The following ALG13 variants were observed in gnomAD, a reference collection of about 807,000 sequenced individuals.
ALG13 encodes ALG13 UDP-N-acetylglucosaminyltransferase subunit.
In ALG13, 11 loss-of-function variants were observed where a neutral mutation model predicts 87.8. That is an observed-to-expected ratio of 0.13 (90% CI 0.08 to 0.21). The LOEUF is 0.21. ALG13 is among the 10% of genes least tolerant of loss of function. The pLI is 1.00. For missense variants in ALG13, 756 were observed against 866.1 expected (o/e 0.87, Z 1.60); for synonymous variants, 320 against 306.3 (o/e 1.04, Z -0.47).
At chrX:111,715,649 C>T (rs767447039) in intron 8 of ALG13, among the ~76,000 whole-genome samples, 125 of 112,270 alleles carry the variant, frequency 1.1e-3, no homozygotes, top group African/African-American at 3.6e-3. Context: ...GCCCAGGAGG[C>T]GGAGGTTGCA....
chrX:111,715,930 T>G (rs1940526470), intron 8 of ALG13, among the ~76,000 whole-genome samples: 1 of 111,694 alleles, frequency 9.0e-6, no homozygotes, highest in African/African-American at 3.3e-5. Flanking sequence ...TTCACTCAGC[T>G]CATTTGCTCT....
intron 3 of ALG13, among the ~76,000 whole-genome samples, chrX:111,686,581 A>C (rs1253886275): frequency 8.9e-6 from 1 of 112,104 alleles, no homozygotes; most frequent in Non-Finnish European, 1.9e-5. Context: ...AGGGAATGTC[A>C]GGGTGGCTGT....
chrX:111,698,236 A>T (rs1457900061), intron 3 of ALG13, among the ~76,000 whole-genome samples: 2 of 111,933 alleles, frequency 1.8e-5, no homozygotes, highest in Non-Finnish European at 3.8e-5. Flanking sequence ...TCAAAAATTA[A>T]TGTTTTTAAT....
intron 15 of ALG13, among the ~76,000 whole-genome samples, chrX:111,726,232 G>GTT (rs1213050998): frequency 0.018 from 1,060 of 60,150 alleles, 30 homozygotes; most frequent in African/African-American, 0.066. Context: ...GGCGTGTTTT[G>GTT]TTTTTTTTTT....
rs1944071342 is a variant in ALG13 at position 111,744,759 on chromosome X, A to ACCACCC, written c.2792_2793insCCCACC (p.Pro944_Pro945dup). On this transcript the variant is annotated inframe_insertion, in exon 24 of 27. Coordinates refer to ENST00000394780, the MANE Select transcript of ALG13 (RefSeq NM_001099922.3). ...CACCACCACCACCACCACCACCACCACCACCACCACCTCCTCCTCCTCCTC... is the reference window on the plus strand; with the variant it reads ...CACCACCACCACCACCACCACCACCACCACCCCCACCACCACCTCCTCCTCCTCCTC... 1.2e-6 allele frequency: 1 copy of ACCACCC among 856,745 alleles called. No individual in the cohort carries two copies. The highest frequency in any genetic ancestry group is 2.8e-5 in the African/African-American group (1 of 36,175). The allele number at this position is 856,745 out of a possible 1,213,427, so 70.6% of individuals were successfully genotyped here.
intron 25 of ALG13, among the ~76,000 whole-genome samples, chrX:111,754,511 CTG>C (rs1945057049): frequency 8.9e-6 from 1 of 112,001 alleles, no homozygotes; most frequent in Non-Finnish European, 1.9e-5. Flanking sequence ...GATGACATAA[CTG>C]TATATTTTAA....
At chrX:111,726,511 C>T (rs1053765695) in intron 15 of ALG13, among the ~76,000 whole-genome samples, 2 of 110,872 alleles carry the variant, frequency 1.8e-5, no homozygotes, top group African/African-American at 6.6e-5. Context: ...GGATTACAGG[C>T]GTGAGCCACC....
intron 2 of ALG13, among the ~76,000 whole-genome samples, chrX:111,683,770 ATAT>A (rs1376445125): frequency 1.2e-4 from 13 of 111,775 alleles, no homozygotes; most frequent in Admixed American, 1.9e-4. Context: ...ATTGATCCTA[ATAT>A]TCTATATTTG....
rs1158168420 is a variant in ALG13 at position 111,713,213 on chromosome X, T to C, written c.933-12T>C. On this transcript the variant is annotated splice_polypyrimidine_tract_variant and intron_variant, in intron 7 of 26. Coordinates refer to ENST00000394780, the MANE Select transcript of ALG13 (RefSeq NM_001099922.3). ...TTATGTCTTCCCACTTACCTTTGTTTTCCCCATATAGTCGGGATTTCATTC... is the reference window on the plus strand; with the variant it reads ...TTATGTCTTCCCACTTACCTTTGTTCTCCCCATATAGTCGGGATTTCATTC... 1 of 1,161,807 alleles carries C rather than the reference T, an allele frequency of 8.6e-7. No individual in the cohort carries two copies. Among genetic ancestry groups the C allele is most frequent in the Middle Eastern group, 2.4e-4 (1 of 4,250 alleles).
chrX:111,704,558 G>A (rs1938424938), intron 3 of ALG13, among the ~76,000 whole-genome samples: 1 of 111,803 alleles, frequency 8.9e-6, no homozygotes, highest in African/African-American at 3.2e-5. Flanking sequence ...AAAACCTTAT[G>A]CTAAGTAAAA....
intron 3 of ALG13, chrX:111,686,154 A>G: frequency 8.9e-7 from 1 of 1,122,415 alleles, no homozygotes; most frequent in African/African-American, 1.8e-5. Context: ...TTGAGACACT[A>G]GAAGCTTGCC....
At chrX:111,726,227 GTTTTGTT>G (rs1344498997) in intron 15 of ALG13, among the ~76,000 whole-genome samples, 1 of 83,737 alleles carries the variant, frequency 1.2e-5, no homozygotes, top group African/African-American at 5.2e-5. Context: ...TTACAGGCGT[GTTTTGTT>G]TTTTTTTTTT....
chrX:111,726,913 C>G lies in ALG13; in HGVS notation c.1834C>G (p.Pro612Ala). 2 of 1,211,537 alleles carry G rather than the reference C, an allele frequency of 1.7e-6. No individual in the cohort carries two copies. The highest frequency in any genetic ancestry group is 1.1e-6 in the Non-Finnish European group (1 of 895,357). The change falls in exon 16 of 27, where the codon CCA becomes GCA. Residue 612 changes from proline to alanine, a missense_variant. Coordinates refer to ENST00000394780, the MANE Select transcript of ALG13 (RefSeq NM_001099922.3). ...TTACGGCAAGGGAGACCCCCTCCTC[C>G]CACCCAGGCTGCAGCACAGTATGCA... is the stretch of plus-strand genomic sequence containing the variant. Reference protein sequence around the residue: ...MAYGKGDPLLPPRLQHSMHYG... With the variant: ...MAYGKGDPLLAPRLQHSMHYG...
intron 3 of ALG13, chrX:111,690,128 C>T (rs1244621832): frequency 1.9e-5 from 14 of 749,608 alleles, no homozygotes; most frequent in Non-Finnish European, 2.2e-5. Flanking sequence ...AATTAATCAC[C>T]ACATTTACAT....
At position 111,736,791 on chromosome X, in the gene ALG13, G is replaced by T; in HGVS notation, c.2607G>T (p.Ala869=). 1 of 1,209,807 alleles carries T rather than the reference G, an allele frequency of 8.3e-7. No homozygotes were observed. The change falls in exon 23 of 27, where the codon GCG becomes GCT. Residue 869 remains alanine, a synonymous_variant. Transcript: ENST00000394780. ...VPAPVLSNGA[A]ANQAISTTSV... is the part of the protein sequence containing the mutation. ...CTCCAGTCTTATCTAACGGTGCAGCGGCTAATCAAGCTATTAGTACCACTT... is the reference window on the plus strand; with the variant it reads ...CTCCAGTCTTATCTAACGGTGCAGCTGCTAATCAAGCTATTAGTACCACTT...
chrX:111,718,122 C>T lies in ALG13; in HGVS notation c.1098C>T (p.Tyr366=), dbSNP rs1940896610. 3 of 1,161,772 alleles carry T rather than the reference C, an allele frequency of 2.6e-6. No homozygotes were observed. Among genetic ancestry groups the T allele is most frequent in the Admixed American group, 5.3e-5 (2 of 38,093 alleles). The change falls in exon 10 of 27, where the codon TAC becomes TAT. Residue 366 remains tyrosine (Y), a synonymous_variant. Transcript: ENST00000394780. ...CCATTTTTTCTTCAGCTGTATTGTA[C>T]GAAATTCTCTATAAAGATGTGTTTG... ...SSAAVCQAVL[Y]EILYKDVFVV...
intron 24 of ALG13, among the ~76,000 whole-genome samples, chrX:111,747,206 A>G (rs1430309466): frequency 1.8e-5 from 2 of 112,012 alleles, no homozygotes; most frequent in Non-Finnish European, 3.8e-5. Flanking sequence ...TTTCTACCCC[A>G]GAAATCTGTG....
chrX:111,687,906 C>G (rs771247315), intron 3 of ALG13: 1 of 1,171,675 alleles, frequency 8.5e-7, no homozygotes, highest in Non-Finnish European at 1.1e-6. Context: ...TGGGCTGTTA[C>G]AGTCAATGGA....
chrX:111,683,796 G>C (rs374332010), intron 2 of ALG13, among the ~76,000 whole-genome samples: 10 of 111,874 alleles, frequency 8.9e-5, no homozygotes, highest in African/African-American at 2.9e-4. Context: ...TATTCATGGA[G>C]ATCTATCCTT....
Sources: allele counts gnomAD v4.1 joint callset (sites outside exome capture counted in the v4.1 genomes callset), GRCh38; gene constraint gnomAD v4.1.1; transcripts MANE v1.5; gene names NCBI Gene and HGNC (gene_info 2026-07-23, HGNC 2026-07-21).